The following ZNF608 variants were observed in gnomAD, a reference collection of about 807,000 sequenced individuals.
ZNF608 encodes the protein renal carcinoma antigen NY-REN-36.
Under a neutral mutation model 109.0 loss-of-function variants are expected in ZNF608, and 12 were observed. The ratio of observed to expected loss-of-function variants is 0.11; its 90% CI spans 0.07 to 0.18. The LOEUF (loss-of-function observed/expected upper bound fraction) is 0.18, where lower values mean the gene tolerates loss of function less well. Among genes scored for constraint, ZNF608 ranks in the 10% least tolerant of loss-of-function variants. The pLI is 1.00. For missense variants in ZNF608, 1,707 were observed against 1,879.3 expected (o/e 0.91, Z 1.70); for synonymous variants, 732 against 717.4 (o/e 1.02, Z -0.33).
intron 3 of ZNF608, among the ~76,000 whole-genome samples, chr5:124,697,225 A>C (rs1580646503): frequency 4.4e-4 from 1 of 2,266 alleles, no homozygotes. Flanking sequence ...AGGTAAGGCC[A>C]AAAAAAAAAA....
At chr5:124,643,458 C>G in intron 7 of ZNF608, 53 bp downstream of exon 7, 1 of 1,556,512 alleles carries the variant, frequency 6.4e-7, no homozygotes. Context: ...CTAGCTTGTT[C>G]CCCTTTCTCC....
chr5:124,648,225 G>C lies in ZNF608; in HGVS notation c.2159C>G (p.Ala720Gly). The change falls in exon 5 of 10, where the codon GCT becomes GGT. Residue 720 changes from alanine (A) to glycine (G), a missense_variant. Coordinates refer to ENST00000513986, the MANE Select transcript of ZNF608 (RefSeq NM_020747.3). The part of the protein sequence containing the change: ...NLGDKEKGKK[A>G]TNCKTDKNLS... ...GTTTTTGTCCGTTTTGCAGTTGGTA[G>C]CTTTTTTGCCCTTTTCTTTATCTCC... The C allele has an allele frequency of 1.9e-6, 3 of 1,614,156 alleles. No homozygotes were observed. Among genetic ancestry groups the C allele is most frequent in the Non-Finnish European group, 2.5e-6 (3 of 1,180,032 alleles).
At chr5:124,737,081 T>A (rs542105558) in intron 2 of ZNF608, among the ~76,000 whole-genome samples, 1 of 152,244 alleles carries the variant, frequency 6.6e-6, no homozygotes, top group Admixed American at 6.5e-5. Flanking sequence ...ACCTTAAAAG[T>A]CCCTTTAAGT....
intron 2 of ZNF608, among the ~76,000 whole-genome samples, chr5:124,722,614 C>T (rs1378221996): frequency 3.2e-5 from 4 of 124,934 alleles, no homozygotes; most frequent in Non-Finnish European, 1.7e-5. Flanking sequence ...CACACACACA[C>T]ACACACGCAA....
In ZNF608 at chr5:124,646,561, A is replaced by G; in HGVS notation, c.3705+118T>C. Reference sequence around the variant, plus strand: ...TTAAGATATTTTTCAAGAGCAGAGGAAAAAACTAATATGGGTTTCTTTCCT... The same window carrying G: ...TTAAGATATTTTTCAAGAGCAGAGGGAAAAACTAATATGGGTTTCTTTCCT... On this transcript the variant is annotated intron_variant, in intron 5 of 9. Transcript: ENST00000513986. 5 of 1,315,062 alleles carry G rather than the reference A, an allele frequency of 3.8e-6. 1 individual carries two copies. The highest frequency in any genetic ancestry group is 4.7e-5 in the East Asian group (2 of 42,810). The allele number at this position is 1,315,062 out of a possible 1,614,324, so 81.5% of individuals were successfully genotyped here. A position where few individuals can be genotyped will look rare whatever the true frequency, so the allele number is the denominator to read the frequency against.
At chr5:124,678,693 C>T (rs959692764) in intron 3 of ZNF608, among the ~76,000 whole-genome samples, 2 of 152,178 alleles carry the variant, frequency 1.3e-5, no homozygotes, top group Admixed American at 6.5e-5. Flanking sequence ...TCTACTTCTG[C>T]CAGGGCTGAT....
upstream of ZNF608, chr5:124,748,480 C>T: frequency 2.1e-6 from 2 of 948,940 alleles, no homozygotes; most frequent in Non-Finnish European, 2.5e-6. Flanking sequence ...CATTCCCCTG[C>T]ATGAAGTCCC....
At position 124,647,928 on chromosome 5, in the gene ZNF608, A is replaced by G. The variant is rs548303027; in HGVS notation, c.2456T>C (p.Leu819Pro). The change falls in exon 5 of 10, where the codon CTA becomes CCA. Residue 819 changes from leucine (L) to proline (P), a missense_variant. Transcript: ENST00000513986. ...KDKKKKEKRK[L>P]KDKEGKETGS... ...CGTCTCTTTCCCTTCTTTGTCCTTT[A>G]GCTTTCGCTTCTCCTTTTTCTTTTT... 2 of 1,613,908 alleles carry G rather than the reference A, an allele frequency of 1.2e-6. No homozygotes were observed. The highest frequency in any genetic ancestry group is 2.2e-5 in the East Asian group (1 of 44,866).
Position 124,693,972 on chromosome 5 carries a change from A to ATTTTTTTTTTTTTT in ZNF608, c.1162+7041_1162+7042insAAAAAAAAAAAAAA, listed in dbSNP as rs1561564262. On this transcript the variant is annotated intron_variant, in intron 3 of 9. Transcript: ENST00000513986. The stretch of plus-strand genomic sequence containing the variant: ...CTGTGAAGCTGGTAACATTTCATTA[A>ATTTTTTTTTTTTTT]TCTTTTTTTTTTTTTTTTTTTGAGA... 1.5e-3 allele frequency among the ~76,000 whole-genome samples: 35 copies of ATTTTTTTTTTTTTT among 23,292 alleles called. 2 individuals carry two copies. Among genetic ancestry groups the ATTTTTTTTTTTTTT allele is most frequent in the East Asian group, 6.4e-3 (3 of 466 alleles). The allele number at this position is 23,292 out of a possible 152,430, so 15.3% of individuals were successfully genotyped here. A position where few individuals can be genotyped will look rare whatever the true frequency, so the allele number is the denominator to read the frequency against.
rs571452700 is a variant in ZNF608 at position 124,646,353 on chromosome 5, G to A, written c.3705+326C>T. Reference sequence around the variant, plus strand: ...AGCCTGGGTGACAGAGAGAGATTCCGTCTCAAAAAATTTAAAAAATTTAAA... The same window carrying A: ...AGCCTGGGTGACAGAGAGAGATTCCATCTCAAAAAATTTAAAAAATTTAAA... On this transcript the variant is annotated intron_variant, in intron 5 of 9. Coordinates refer to ENST00000513986, the MANE Select transcript of ZNF608 (RefSeq NM_020747.3). Among the ~76,000 whole-genome samples the A allele has an allele frequency of 7.2e-5, 11 of 152,090 alleles. No homozygotes were observed. The South Asian group carries it at 1.2e-3, about 17-fold the overall frequency.
At chr5:124,655,841 C>T (rs1420017606) in intron 3 of ZNF608, among the ~76,000 whole-genome samples, 2 of 152,182 alleles carry the variant, frequency 1.3e-5, no homozygotes, top group East Asian at 1.9e-4. Flanking sequence ...GTTCCAGCCT[C>T]GGAGCTTATA....
intron 2 of ZNF608, chr5:124,708,740 G>A: frequency 2.2e-6 from 1 of 456,272 alleles, no homozygotes; most frequent in South Asian, 1.5e-5. Context: ...CTGCCCTCAA[G>A]TGCTGTTCAG....
intron 2 of ZNF608, among the ~76,000 whole-genome samples, chr5:124,727,652 CAAA>C (rs369834437): frequency 1.2e-5 from 1 of 82,448 alleles, no homozygotes; most frequent in African/African-American, 4.7e-5. Flanking sequence ...AAAATCAGAC[CAAA>C]AAAAAAAAAA....
At position 124,671,641 on chromosome 5, in the gene ZNF608, C is replaced by CTTTT. The variant is rs66998925; in HGVS notation, c.1163-21948_1163-21945dup. 1.6e-4 allele frequency among the ~76,000 whole-genome samples: 21 copies of CTTTT among 129,734 alleles called. 2 individuals are homozygous for CTTTT. Among genetic ancestry groups the CTTTT allele is most frequent in the African/African-American group, 4.7e-4 (16 of 33,982 alleles). 85.1% of individuals were successfully genotyped at this position (129,734 alleles called of 152,430 possible). ...CACATCATACTGTCCTGGGGCTTCT[C>CTTTT]TTTTTTTTTTTTTTTTTTTGAGACA... On this transcript the variant is annotated intron_variant, in intron 3 of 9. Transcript: ENST00000513986.
intron 3 of ZNF608, among the ~76,000 whole-genome samples, chr5:124,658,138 T>A (rs113952897): frequency 9.8e-4 from 149 of 152,200 alleles, no homozygotes; most frequent in African/African-American, 3.5e-3. Context: ...GGTGATAGTG[T>A]TGGGGGAGGA....
rs201956628 is a variant in ZNF608, at chr5:124,744,265, C to G, written c.725G>C (p.Ser242Thr). 5.0e-6 allele frequency: 8 copies of G among 1,613,586 alleles called. No individual in the cohort carries two copies. Among genetic ancestry groups the G allele is most frequent in the Middle Eastern group, 1.7e-4 (1 of 6,058 alleles). The change falls in exon 2 of 10, where the codon AGC (serine) becomes ACC (threonine). Residue 242 changes from serine (S) to threonine (T), a missense_variant. Physicochemically the swap from Ser to Thr is moderately conservative, Grantham distance 58. Transcript: ENST00000513986. This position sits in a 1 kb window ranked among gnomAD's most constrained non-coding sequence, Gnocchi z 4.5. ...GAAGGGGCTCGCGCCACCTCCATTG[C>G]TCTTGGCCCCAAAGCCATAGAGGTG... is the stretch of plus-strand genomic sequence containing the variant. ...GGHLYGFGAK[S>T]NGGGASPFHC...
At chr5:124,706,553 CA>C (rs1753266008) in intron 2 of ZNF608, among the ~76,000 whole-genome samples, 1 of 152,102 alleles carries the variant, frequency 6.6e-6, no homozygotes, top group African/African-American at 2.4e-5. Context: ...ATTTAAAAAT[CA>C]GTGGGGGATT....
At chr5:124,676,926 T>C (rs1290313332) in intron 3 of ZNF608, among the ~76,000 whole-genome samples, 1 of 152,152 alleles carries the variant, frequency 6.6e-6, no homozygotes, top group Admixed American at 6.5e-5. Flanking sequence ...ATAGCGGCTA[T>C]GTAGGGAGGG....
chr5:124,639,103 C>T (rs756068833), intron 9 of ZNF608, 30 bp downstream of exon 9: 16 of 1,602,696 alleles, frequency 1.0e-5, no homozygotes, highest in Middle Eastern at 1.7e-4. Context: ...TTTCTATCTA[C>T]AACTAATTAA....
Sources: allele counts gnomAD v4.1 joint callset (sites outside exome capture counted in the v4.1 genomes callset), GRCh38; gene constraint gnomAD v4.1.1; non-coding constraint Gnocchi (gnomAD v3.1); transcripts MANE v1.5; gene names NCBI Gene and HGNC (gene_info 2026-07-23, HGNC 2026-07-21).